RIMBP2: variants seen among roughly 807,000 people sequenced by gnomAD.
RIMBP2 encodes the protein RIMS binding protein 2, also known as RIMS-binding protein 2.
A neutral mutation model predicts 118.6 loss-of-function variants in RIMBP2; 48 were observed. That is an observed-to-expected ratio of 0.40 (90% confidence interval 0.32 to 0.51). RIMBP2 has a LOEUF of 0.51. RIMBP2 is among the 20% of genes least tolerant of loss of function. The pLI, the probability that RIMBP2 is intolerant of heterozygous loss-of-function variation, is 0.41. For missense variants in RIMBP2, 1,551 were observed against 1,768.3 expected, an observed-to-expected ratio of 0.88 and a Z score of 2.20; for synonymous variants, 762 against 742.9, an observed-to-expected ratio of 1.03 and a Z score of -0.42.
intron 4 of RIMBP2, among the ~76,000 whole-genome samples, chr12:130,486,149 C>T (rs1190972866): frequency 6.6e-6 from 1 of 152,162 alleles, no homozygotes; most frequent in Admixed American, 6.5e-5. Flanking sequence ...CCTCCTGTCA[C>T]TCGGCTGAGA....
chr12:130,446,023 C>CA lies in RIMBP2; in HGVS notation c.582-755_582-754insT, dbSNP rs56182390. ...AACAGACGCATGATTTTATGCTCCC[C>CA]CCCCCCACACCCCCAGGAATATAAG... On this transcript the variant is annotated intron_variant, in intron 9 of 22. Transcript: ENST00000690449. This position sits in a 1 kb window ranked among gnomAD's most constrained non-coding sequence, Gnocchi z 4.1. Among the ~76,000 whole-genome samples, 1 of 149,380 alleles carries CA rather than the reference C, an allele frequency of 6.7e-6. No individual in the cohort carries two copies.
At chr12:130,512,612 C>T (rs10848123) in intron 3 of RIMBP2, among the ~76,000 whole-genome samples, 50,457 of 152,030 alleles carry the variant, frequency 0.33, 8,718 homozygotes, top group African/African-American at 0.35. Flanking sequence ...CGTGAGCCAC[C>T]GCACCCGGCC....
chr12:130,686,256 A>T (rs2065037732), intron 1 of RIMBP2, among the ~76,000 whole-genome samples: 3 of 152,192 alleles, frequency 2.0e-5, no homozygotes, highest in Admixed American at 2.0e-4. Context: ...CTGTGGCCTC[A>T]TCATGGAGCT....
In RIMBP2 at chr12:130,414,120, C is replaced by A; in HGVS notation, c.3420+5G>T. 1.2e-6 allele frequency: 2 copies of A among 1,614,026 alleles called. No homozygotes were observed. Among genetic ancestry groups the A allele is most frequent in the South Asian group, 1.1e-5 (1 of 91,066 alleles). The stretch of plus-strand genomic sequence containing the variant: ...TGAAGCCGCCCGCAGGCAGCCATCC[C>A]GCACCTTGATGATCTGGCCTTCTTT... On this transcript the variant is annotated splice_donor_5th_base_variant and intron_variant, in intron 18 of 22. Transcript: ENST00000690449.
chr12:130,490,532 A>G (rs1298833858), intron 4 of RIMBP2, among the ~76,000 whole-genome samples: 1 of 152,194 alleles, frequency 6.6e-6, no homozygotes, highest in Non-Finnish European at 1.5e-5. Flanking sequence ...AGAAGTATAA[A>G]TCGGGGTACA....
Position 130,697,825 on chromosome 12 carries a change from A to T in RIMBP2, c.-352+18397T>A, listed in dbSNP as rs546458567. On this transcript the variant is annotated intron_variant, in intron 1 of 22. Coordinates refer to ENST00000690449, the MANE Select transcript of RIMBP2 (RefSeq NM_001393629.1). ...CCACAAAGCAAGACCCCATCTCTTT[A>T]AAAAAACAAAAATAAAAGTGGAAAG... Among the ~76,000 whole-genome samples the T allele has an allele frequency of 7.6e-4, 116 of 152,278 alleles. 2 individuals are homozygous for T. The highest frequency in any genetic ancestry group is 3.4e-3 in the Middle Eastern group (1 of 294).
intron 2 of RIMBP2, among the ~76,000 whole-genome samples, chr12:130,566,431 A>G (rs990598902): frequency 6.6e-6 from 1 of 152,216 alleles, no homozygotes; most frequent in African/African-American, 2.4e-5. Context: ...CAGAATAGAG[A>G]AGCTGTGATA....
intron 1 of RIMBP2, among the ~76,000 whole-genome samples, chr12:130,690,529 T>C (rs764795232): frequency 1.1e-4 from 16 of 152,232 alleles, no homozygotes; most frequent in Admixed American, 6.5e-4. Flanking sequence ...ACCTGATGTC[T>C]GCGGTATCCT....
intron 1 of RIMBP2, chr12:130,633,796 G>A (rs1458243365): frequency 6.6e-6 from 1 of 152,210 alleles, no homozygotes; most frequent in Non-Finnish European, 1.5e-5. Context: ...CCCAGAAGCA[G>A]GTACTTACAA....
At chr12:130,632,537 C>T (rs900286010) in intron 1 of RIMBP2, among the ~76,000 whole-genome samples, 3 of 152,084 alleles carry the variant, frequency 2.0e-5, no homozygotes, top group Non-Finnish European at 4.4e-5. Flanking sequence ...CCTGGGCTGC[C>T]GGGATGTGCT....
rs539928117 is a variant in RIMBP2 at position 130,536,282 on chromosome 12, T to C, written c.-216-18365A>G. ...TTTTGGGTTAACAGACATCATCCCC[T>C]GGTTATCCCTGGCCTCCTGAAATGC... On this transcript the variant is annotated intron_variant, in intron 2 of 22. Transcript: ENST00000690449. Among the ~76,000 whole-genome samples, 3 of 152,254 alleles carry C rather than the reference T, an allele frequency of 2.0e-5. No homozygotes were observed. In the East Asian group the frequency reaches 5.8e-4, roughly 29 times the overall value.
At chr12:130,711,360 C>T (rs1251900826) in intron 1 of RIMBP2, among the ~76,000 whole-genome samples, 1 of 152,214 alleles carries the variant, frequency 6.6e-6, no homozygotes, top group Admixed American at 6.5e-5. Context: ...ACCCTTTTCA[C>T]GTTTTGCTGG....
At chr12:130,619,178 TA>T (rs1406160286) in intron 2 of RIMBP2, among the ~76,000 whole-genome samples, 3 of 152,252 alleles carry the variant, frequency 2.0e-5, no homozygotes, top group African/African-American at 7.2e-5. Context: ...ACTTCTGCGC[TA>T]TTTTCAGAGC....
Position 130,550,161 on chromosome 12 carries a change from C to T in RIMBP2, c.-216-32244G>A, listed in dbSNP as rs76926302. On this transcript the variant is annotated intron_variant, in intron 2 of 22. Transcript: ENST00000690449. Reference sequence around the variant, plus strand: ...ATTGGAACTATGGGAGGAGAAAGGCCATGAGTGAGCGTGTTTGTCCTGGGA... The same window carrying T: ...ATTGGAACTATGGGAGGAGAAAGGCTATGAGTGAGCGTGTTTGTCCTGGGA... 4.5e-4 allele frequency among the ~76,000 whole-genome samples: 68 copies of T among 152,270 alleles called. No homozygotes were observed. In the East Asian group the frequency reaches 0.013, roughly 29 times the overall value.
At chr12:130,673,559 G>A (rs955036897) in intron 1 of RIMBP2, among the ~76,000 whole-genome samples, 4 of 152,026 alleles carry the variant, frequency 2.6e-5, no homozygotes, top group South Asian at 4.2e-4. Flanking sequence ...CCAGGTGGGC[G>A]TGCCACTTGT....
intron 4 of RIMBP2, among the ~76,000 whole-genome samples, chr12:130,503,323 G>C (rs1353707919): frequency 6.6e-6 from 1 of 151,792 alleles, no homozygotes; most frequent in East Asian, 1.9e-4. Flanking sequence ...TTGAACCCGG[G>C]AAGTGGAGGT....
chr12:130,507,665 G>A (rs571309811), intron 3 of RIMBP2, among the ~76,000 whole-genome samples: 3 of 152,268 alleles, frequency 2.0e-5, no homozygotes, highest in Non-Finnish European at 2.9e-5. Flanking sequence ...TCTCCTCTTC[G>A]AAACAAGTAA....
chr12:130,555,412 G>A (rs2056256448), intron 2 of RIMBP2, among the ~76,000 whole-genome samples: 1 of 152,170 alleles, frequency 6.6e-6, no homozygotes, highest in Non-Finnish European at 1.5e-5. Flanking sequence ...TCACCGTCCT[G>A]GACACAGACG....
At chr12:130,649,247 A>C (rs1030462610) in intron 1 of RIMBP2, among the ~76,000 whole-genome samples, 1 of 113,032 alleles carries the variant, frequency 8.8e-6, no homozygotes, top group African/African-American at 2.8e-5. Context: ...AAGGCGCTGG[A>C]ATGTGGGGCT....
Sources: gnomAD v4.1 joint callset for allele counts (sites outside exome capture counted in the v4.1 genomes callset) on GRCh38, gnomAD v4.1.1 for gene constraint, Gnocchi (gnomAD v3.1) non-coding constraint, MANE v1.5 for transcripts, NCBI Gene and HGNC (gene_info 2026-07-23, HGNC 2026-07-21) for gene names.